The following CENPW variants were observed in gnomAD, a reference collection of about 807,000 sequenced individuals.
CENPW encodes centromere protein W.
A neutral mutation model predicts 11.1 loss-of-function variants in CENPW; 3 were observed. The ratio of observed to expected loss-of-function variants is 0.27; its 90% CI spans 0.12 to 0.70. CENPW has a LOEUF of 0.70. Among genes scored for constraint, CENPW ranks in the 30% least tolerant of loss-of-function variants. The pLI is 0.77. For missense variants in CENPW, 100 were observed against 105.6 expected, an observed-to-expected ratio of 0.95 and a Z score of 0.23; for synonymous variants, 38 against 42.0, an observed-to-expected ratio of 0.91 and a Z score of 0.37.
the CENPW span, among the ~76,000 whole-genome samples, chr6:126,363,372 CCTT>C: frequency 2.0e-5 from 3 of 152,134 alleles, no homozygotes; most frequent in Admixed American, 2.0e-4. Context: ...TTAATTTCTG[CCTT>C]CTTTTGAAAA....
intron 1 of CENPW, among the ~76,000 whole-genome samples, chr6:126,343,337 T>C (rs1219444443): frequency 2.6e-5 from 4 of 152,216 alleles, no homozygotes; most frequent in African/African-American, 9.6e-5. Context: ...TGTAGGTTGC[T>C]TGAAAAAATT....
At chr6:126,455,258 T>TA in the CENPW span, among the ~76,000 whole-genome samples, 79 of 150,294 alleles carry the variant, frequency 5.3e-4, no homozygotes, top group Non-Finnish European at 1.1e-3. Flanking sequence ...GGCAGAGACA[T>TA]AAAAAAAATC....
chr6:126,382,328 G>A, the CENPW span, among the ~76,000 whole-genome samples: 6 of 151,982 alleles, frequency 3.9e-5, no homozygotes, highest in African/African-American at 1.5e-4. Context: ...AGGCATATAA[G>A]CCCACAAAAA....
downstream of CENPW, among the ~76,000 whole-genome samples, chr6:126,352,005 T>C (rs898322793): frequency 6.6e-6 from 1 of 152,112 alleles, no homozygotes; most frequent in Non-Finnish European, 1.5e-5. Flanking sequence ...AGATTGCTCA[T>C]GGGGATTCTG....
the CENPW span, among the ~76,000 whole-genome samples, chr6:126,429,390 G>A: frequency 6.6e-6 from 1 of 152,114 alleles, no homozygotes; most frequent in Admixed American, 6.6e-5. Flanking sequence ...AGATGTTTGG[G>A]TCTTGGGGGT....
the CENPW span, among the ~76,000 whole-genome samples, chr6:126,362,459 A>G: frequency 6.6e-6 from 1 of 152,142 alleles, no homozygotes; most frequent in East Asian, 1.9e-4. Flanking sequence ...ATTCAGTCTC[A>G]GTGCTCAGCT....
rs571436560 is a variant in CENPW, at chr6:126,348,252, A to G, written c.241-214A>G. Among the ~76,000 whole-genome samples, 8 of 152,116 alleles carry G rather than the reference A, an allele frequency of 5.3e-5. No individual in the cohort carries two copies. In the South Asian group the frequency reaches 1.5e-3, roughly 28 times the overall value. On this transcript the variant is annotated intron_variant, in intron 2 of 2. Coordinates refer to ENST00000368328, the MANE Select transcript of CENPW (RefSeq NM_001012507.4). ...GGTTTTTAGAATCTAGGCATGTTTC[A>G]TATTCATTGAGATAAGACTGTTTTT...
At chr6:126,365,053 A>G in the CENPW span, among the ~76,000 whole-genome samples, 2 of 152,210 alleles carry the variant, frequency 1.3e-5, no homozygotes, top group African/African-American at 4.8e-5. Flanking sequence ...AGGATTTAAG[A>G]TAATAGTTCT....
At chr6:126,388,175 T>G in the CENPW span, among the ~76,000 whole-genome samples, 2 of 152,012 alleles carry the variant, frequency 1.3e-5, no homozygotes, top group Non-Finnish European at 2.9e-5. Context: ...AAACCATCTA[T>G]GAGCTAAGAT....
the CENPW span, among the ~76,000 whole-genome samples, chr6:126,416,540 C>T: frequency 6.6e-6 from 1 of 152,114 alleles, no homozygotes; most frequent in African/African-American, 2.4e-5. Flanking sequence ...AGCCCAGGGT[C>T]CAGGAGGAAA....
chr6:126,375,387 T>G, the CENPW span, among the ~76,000 whole-genome samples: 1 of 152,166 alleles, frequency 6.6e-6, no homozygotes, highest in Non-Finnish European at 1.5e-5. Context: ...ATAATTTACT[T>G]TTTATGCAGG....
the CENPW span, among the ~76,000 whole-genome samples, chr6:126,483,003 T>C: frequency 6.6e-6 from 1 of 151,958 alleles, no homozygotes; most frequent in African/African-American, 2.4e-5. Context: ...ATATTAATTT[T>C]TCTCACCAAT....
chr6:126,459,775 C>T, the CENPW span, among the ~76,000 whole-genome samples: 1 of 151,532 alleles, frequency 6.6e-6, no homozygotes, highest in African/African-American at 2.4e-5. Context: ...GATCACTCAA[C>T]AGACCATTAA....
the CENPW span, among the ~76,000 whole-genome samples, chr6:126,361,584 C>T: frequency 4.6e-5 from 7 of 152,188 alleles, no homozygotes; most frequent in East Asian, 1.9e-4. Context: ...CGTGAGCCAC[C>T]GCGCCCAGCC....
chr6:126,406,462 A>C, the CENPW span, among the ~76,000 whole-genome samples: 2 of 152,010 alleles, frequency 1.3e-5, no homozygotes, highest in East Asian at 1.9e-4. Flanking sequence ...TGGTTTTACT[A>C]TCAGAGTAAT....
At chr6:126,459,083 T>G in the CENPW span, among the ~76,000 whole-genome samples, 1 of 151,412 alleles carries the variant, frequency 6.6e-6, no homozygotes, top group Non-Finnish European at 1.5e-5. Context: ...TTATAAATAG[T>G]CTTTCATTGC....
At chr6:126,359,742 C>T in the CENPW span, among the ~76,000 whole-genome samples, 1 of 150,714 alleles carries the variant, frequency 6.6e-6, no homozygotes, top group African/African-American at 2.4e-5. Flanking sequence ...ATAGCAACTC[C>T]TGCTTTTTTC....
chr6:126,373,474 C>G, the CENPW span, among the ~76,000 whole-genome samples: 3 of 152,338 alleles, frequency 2.0e-5, no homozygotes, highest in Middle Eastern at 3.4e-3. Flanking sequence ...ACAAACTACT[C>G]TAAAACTTAA....
the CENPW span, among the ~76,000 whole-genome samples, chr6:126,421,202 C>T: frequency 6.6e-6 from 1 of 152,054 alleles, no homozygotes; most frequent in Non-Finnish European, 1.5e-5. Context: ...TCTACTATTC[C>T]ACACTGTAGT....
Sources: allele counts gnomAD v4.1 joint callset (sites outside exome capture counted in the v4.1 genomes callset), GRCh38; gene constraint gnomAD v4.1.1; transcripts MANE v1.5; gene names NCBI Gene and HGNC (gene_info 2026-07-23, HGNC 2026-07-21).